The following TGFA variants were observed in gnomAD, a reference collection of about 807,000 sequenced individuals.
The protein encoded by TGFA is transforming growth factor alpha.
TGFA carries 12 observed loss-of-function variants against 21.7 expected under a neutral mutation model. The observed-to-expected ratio is 0.55, with a 90% confidence interval of 0.35 to 0.90. TGFA has a LOEUF of 0.90. Among genes scored for constraint, TGFA ranks in the 40% least tolerant of loss-of-function variants. The probability of loss-of-function intolerance (pLI) is 0.01; values close to 1 mark genes in which losing one functional copy is unlikely to be tolerated. For missense variants in TGFA, 178 were observed against 210.8 expected (o/e 0.84, Z 0.96); for synonymous variants, 79 against 88.1 (o/e 0.90, Z 0.58).
Position 70,449,692 on chromosome 2 carries a change from A to T in TGFA, c.*1167T>A, listed in dbSNP as rs1553489265. Reference sequence around the variant, plus strand: ...GTGCTCGAAAATAAATAGCAAAGTTAAACTTCTCCTTTTAAAAATAAAGCA... The same window carrying T: ...GTGCTCGAAAATAAATAGCAAAGTTTAACTTCTCCTTTTAAAAATAAAGCA... On this transcript the variant is annotated 3_prime_UTR_variant, in exon 6 of 6. Coordinates refer to ENST00000295400, the MANE Select transcript of TGFA (RefSeq NM_003236.4). The T allele has an allele frequency of 1.1e-5, 2 of 182,004 alleles. No individual in the cohort carries two copies. Among genetic ancestry groups the T allele is most frequent in the African/African-American group, 4.7e-5 (2 of 42,294 alleles). 11.3% of individuals were successfully genotyped at this position (182,004 alleles called of 1,614,324 possible). A position where few individuals can be genotyped will look rare whatever the true frequency, so the allele number is the denominator to read the frequency against.
intron 1 of TGFA, among the ~76,000 whole-genome samples, chr2:70,547,228 G>A (rs909046322): frequency 1.6e-4 from 24 of 152,122 alleles, no homozygotes; most frequent in African/African-American, 4.1e-4. Flanking sequence ...TTCAAAAGTC[G>A]TTACAATAAA....
chr2:70,516,872 G>GA (rs200599344), intron 1 of TGFA, among the ~76,000 whole-genome samples: 1 of 135,566 alleles, frequency 7.4e-6, no homozygotes, highest in Non-Finnish European at 1.5e-5. Context: ...GTCACAAACT[G>GA]CCCCGAACTA....
At chr2:70,492,374 A>G (rs1671461351) in intron 2 of TGFA, among the ~76,000 whole-genome samples, 2 of 152,214 alleles carry the variant, frequency 1.3e-5, no homozygotes, top group Non-Finnish European at 2.9e-5. Context: ...TCAATCGAGC[A>G]TGGCCCTGAC....
chr2:70,458,384 G>C (rs1204843437), intron 3 of TGFA, among the ~76,000 whole-genome samples: 1 of 152,044 alleles, frequency 6.6e-6, no homozygotes, highest in Non-Finnish European at 1.5e-5. Context: ...CCTGAATCGT[G>C]CACTTCCTCT....
intron 1 of TGFA, among the ~76,000 whole-genome samples, chr2:70,552,317 G>T (rs1212420997): frequency 6.6e-6 from 1 of 152,290 alleles, no homozygotes; most frequent in Non-Finnish European, 1.5e-5. Flanking sequence ...TAAAATGCTC[G>T]AATAGCATCA....
chr2:70,467,270 G>A (rs1394098487), intron 2 of TGFA: 1 of 152,170 alleles, frequency 6.6e-6, no homozygotes, highest in African/African-American at 2.4e-5. Flanking sequence ...TCAGTGTTGG[G>A]AAATTCTTTT....
chr2:70,521,613 G>GTGTTTTTT (rs532266930), intron 1 of TGFA, among the ~76,000 whole-genome samples: 7 of 74,052 alleles, frequency 9.5e-5, no homozygotes, highest in African/African-American at 2.9e-4. Context: ...GTTGTTGTTT[G>GTGTTTTTT]TTTGTTTTTT....
At chr2:70,478,083 G>C (rs1271692434) in intron 2 of TGFA, among the ~76,000 whole-genome samples, 1 of 137,768 alleles carries the variant, frequency 7.3e-6, no homozygotes, top group African/African-American at 2.5e-5. Context: ...TGAAACCCTG[G>C]TCCCCAGCTT....
At chr2:70,493,600 A>C (rs1371602630) in intron 2 of TGFA, among the ~76,000 whole-genome samples, 1 of 152,108 alleles carries the variant, frequency 6.6e-6, no homozygotes, top group East Asian at 1.9e-4. Flanking sequence ...CCAAGCACCC[A>C]CCCCAAAAAG....
chr2:70,455,090 G>A (rs1302242581), intron 4 of TGFA, among the ~76,000 whole-genome samples: 2 of 152,256 alleles, frequency 1.3e-5, no homozygotes, highest in African/African-American at 4.8e-5. Flanking sequence ...CTGAACCAGA[G>A]CTACTTGTCT....
At chr2:70,521,608 T>TGTTG (rs1195043353) in intron 1 of TGFA, among the ~76,000 whole-genome samples, 7,399 of 101,142 alleles carry the variant, frequency 0.073, 705 homozygotes, top group African/African-American at 0.24. Context: ...TTTTTGTTGT[T>TGTTG]GTTTGTTTGT....
intron 1 of TGFA, among the ~76,000 whole-genome samples, chr2:70,534,087 T>C (rs1553504064): frequency 3.9e-5 from 6 of 152,214 alleles, no homozygotes. Flanking sequence ...TGTCCACTAT[T>C]CGGAGGTACA....
intron 2 of TGFA, among the ~76,000 whole-genome samples, chr2:70,506,527 A>T (rs1671932241): frequency 6.6e-6 from 1 of 152,212 alleles, no homozygotes. Flanking sequence ...CATAGGACTT[A>T]ACTCCAGGTG....
chr2:70,504,469 C>CATATATATATATATATATAT (rs1230209696), intron 2 of TGFA, among the ~76,000 whole-genome samples: 8,999 of 79,402 alleles, frequency 0.11, 986 homozygotes, highest in Non-Finnish European at 0.17. Context: ...TATATACACA[C>CATATATATATATATATATAT]ATACATACAT....
rs117870575 is a variant in TGFA, at chr2:70,450,469, G to A, written c.*390C>T. On this transcript the variant is annotated 3_prime_UTR_variant, in exon 6 of 6. Coordinates refer to ENST00000295400, the MANE Select transcript of TGFA (RefSeq NM_003236.4). The stretch of plus-strand genomic sequence containing the variant: ...CTATAGAAATCTCCTGTGTTGGGCA[G>A]AATTCTGTTGTGGGGAGGTGGCCCA... The A allele has an allele frequency of 2.9e-4, 54 of 184,034 alleles. No homozygotes were observed. The East Asian group carries it at 3.9e-3, about 13-fold the overall frequency. 11.4% of individuals were successfully genotyped at this position (184,034 alleles called of 1,614,324 possible).
intron 2 of TGFA, among the ~76,000 whole-genome samples, chr2:70,470,588 C>A (rs3771512): frequency 0.25 from 38,651 of 152,080 alleles, 5,763 homozygotes; most frequent in East Asian, 0.38. Flanking sequence ...CCGTGTAAAC[C>A]ATCAGTTCTT....
intron 2 of TGFA, among the ~76,000 whole-genome samples, chr2:70,505,046 A>G (rs2103826258): frequency 6.6e-6 from 1 of 152,300 alleles, no homozygotes; most frequent in South Asian, 2.1e-4. Flanking sequence ...ATGGAGCAGC[A>G]CCCAGCATAT....
Position 70,476,095 on chromosome 2 carries a change from A to AAT in TGFA, c.95-10360_95-10359insAT, listed in dbSNP as rs1553494299. On this transcript the variant is annotated intron_variant, in intron 2 of 5. Transcript: ENST00000295400. ...TAATTTTAAGCAAAAAAAAAAAAAA[A>AAT]AAAAAAAAAAAATTAAGAAAATTAC... Among the ~76,000 whole-genome samples the AAT allele has an allele frequency of 2.5e-4, 36 of 145,306 alleles. 1 individual carries two copies. Among genetic ancestry groups the AAT allele is most frequent in the African/African-American group, 9.4e-4 (34 of 36,002 alleles).
chr2:70,496,598 C>T (rs1671585636), intron 2 of TGFA, among the ~76,000 whole-genome samples: 1 of 152,142 alleles, frequency 6.6e-6, no homozygotes, highest in African/African-American at 2.4e-5. Context: ...TGACCTTGGG[C>T]AAGTCACTGA....
Sources: gnomAD v4.1 joint callset for allele counts (sites outside exome capture counted in the v4.1 genomes callset) on GRCh38, gnomAD v4.1.1 for gene constraint, MANE v1.5 for transcripts, NCBI Gene and HGNC (gene_info 2026-07-23, HGNC 2026-07-21) for gene names.